PLEKHA7: variants seen among roughly 807,000 people sequenced by gnomAD.
PLEKHA7 encodes the protein pleckstrin homology domain containing A7, also known as pleckstrin homology domain-containing family A member 7.
PLEKHA7 carries 104 observed loss-of-function variants against 170.0 expected under a neutral mutation model. The ratio of observed to expected loss-of-function variants is 0.61; its 90% CI spans 0.52 to 0.72. The LOEUF (loss-of-function observed/expected upper bound fraction) is 0.72, where lower values mean the gene tolerates loss of function less well. Among genes scored for constraint, PLEKHA7 ranks in the 30% least tolerant of loss-of-function variants. The pLI, the probability that PLEKHA7 is intolerant of heterozygous loss-of-function variation, is 0.00. For synonymous variants in PLEKHA7, 648 were observed against 660.8 expected (o/e 0.98, Z 0.30); for missense variants, 1,615 against 1,671.7 (o/e 0.97, Z 0.59).
chr11:17,011,927 G>A (rs1865343382), intron 3 of PLEKHA7, among the ~76,000 whole-genome samples: 1 of 148,952 alleles, frequency 6.7e-6, no homozygotes, highest in South Asian at 2.2e-4. Flanking sequence ...CCCAAGCCCT[G>A]AGGAGTCATC....
intron 12 of PLEKHA7, 38 bp from the exon 13 acceptor site, chr11:16,813,204 A>G (rs748116702): frequency 5.7e-6 from 9 of 1,568,354 alleles, no homozygotes; most frequent in Non-Finnish European, 7.9e-6. Context: ...ACAGTTATGA[A>G]CACCAAGAGT....
At chr11:16,994,766 G>C (rs1325352423) in intron 3 of PLEKHA7, among the ~76,000 whole-genome samples, 1 of 152,066 alleles carries the variant, frequency 6.6e-6, no homozygotes, top group Non-Finnish European at 1.5e-5. Flanking sequence ...TCAAGATCCA[G>C]CTCGGGCTCT....
At chr11:16,815,983 G>A (rs1005448102) in intron 12 of PLEKHA7, among the ~76,000 whole-genome samples, 195 bp downstream of exon 12, 8 of 152,062 alleles carry the variant, frequency 5.3e-5, no homozygotes, top group African/African-American at 1.4e-4. Context: ...TCCCTGATAC[G>A]CTCTTCCCCT....
chr11:16,982,897 TC>T (rs1349330115), intron 3 of PLEKHA7, among the ~76,000 whole-genome samples: 1 of 151,844 alleles, frequency 6.6e-6, no homozygotes, highest in Non-Finnish European at 1.5e-5. Context: ...ATTCCTGGAC[TC>T]CACACACTAT....
At chr11:16,922,004 G>T (rs1259741115) in intron 3 of PLEKHA7, among the ~76,000 whole-genome samples, 1 of 152,210 alleles carries the variant, frequency 6.6e-6, no homozygotes. Context: ...GACCTTTCCA[G>T]TTCAGCTATG....
At chr11:16,840,990 C>T (rs1315917007) in intron 9 of PLEKHA7, among the ~76,000 whole-genome samples, 1 of 152,066 alleles carries the variant, frequency 6.6e-6, no homozygotes, top group Non-Finnish European at 1.5e-5. Flanking sequence ...AAAGAATGGG[C>T]CCAATGTGAG....
At chr11:16,911,989 A>G (rs1858281580) in intron 3 of PLEKHA7, among the ~76,000 whole-genome samples, 3 of 152,170 alleles carry the variant, frequency 2.0e-5, no homozygotes, top group African/African-American at 7.2e-5. Context: ...GAGGCTTCCC[A>G]TCAAGCCAAT....
At chr11:16,787,533 C>G (rs1347189626) in intron 23 of PLEKHA7, 1 of 152,080 alleles carries the variant, frequency 6.6e-6, no homozygotes, top group African/African-American at 2.4e-5. Context: ...ACACTCATTT[C>G]CTTACACGCT....
At chr11:16,950,935 G>A (rs1347471889) in intron 3 of PLEKHA7, among the ~76,000 whole-genome samples, 1 of 152,010 alleles carries the variant, frequency 6.6e-6, no homozygotes, top group African/African-American at 2.4e-5. Flanking sequence ...TTCTACCTTG[G>A]CATTCATTGC....
intron 3 of PLEKHA7, among the ~76,000 whole-genome samples, chr11:16,973,647 C>T (rs985542912): frequency 2.0e-5 from 3 of 152,116 alleles, no homozygotes; most frequent in Non-Finnish European, 4.4e-5. Context: ...GCAGGTGAGG[C>T]CTGGGGATCA....
intron 3 of PLEKHA7, among the ~76,000 whole-genome samples, chr11:16,926,486 C>G (rs1369121081): frequency 6.6e-6 from 1 of 152,250 alleles, no homozygotes; most frequent in Non-Finnish European, 1.5e-5. Context: ...TTCCTACACT[C>G]ACAGTGCTTC....
At chr11:16,930,262 C>T (rs1479310520) in intron 3 of PLEKHA7, among the ~76,000 whole-genome samples, 1 of 151,862 alleles carries the variant, frequency 6.6e-6, no homozygotes, top group Non-Finnish European at 1.5e-5. Context: ...ATTAAAACTC[C>T]AAGCTGAGGG....
In PLEKHA7 at chr11:16,892,424, G is replaced by GTTT. The variant is rs773430503; in HGVS notation, c.222-21243_222-21242insAAA. ...TTTTATTTTGTGTGTGTGTGTGTGT[G>GTTT]TGTGTGTGTGTTTTGTTTTGTTTTG... On this transcript the variant is annotated intron_variant, in intron 3 of 26. Coordinates refer to ENST00000531066, the MANE Select transcript of PLEKHA7 (RefSeq NM_001329630.2). Among the ~76,000 whole-genome samples the GTTT allele has an allele frequency of 9.9e-3, 1,088 of 109,992 alleles. 10 individuals are homozygous for GTTT. Among genetic ancestry groups the GTTT allele is most frequent in the Non-Finnish European group, 0.018 (847 of 47,200 alleles). The allele number at this position is 109,992 out of a possible 152,430, so 72.2% of individuals were successfully genotyped here.
Position 16,816,046 on chromosome 11 carries a change from T to C in PLEKHA7, c.1953+132A>G, listed in dbSNP as rs1849727387. 1.2e-5 allele frequency: 9 copies of C among 749,292 alleles called. No homozygotes were observed. In the South Asian group the frequency reaches 1.5e-4, roughly 13 times the overall value. The allele number at this position is 749,292 out of a possible 1,614,324, so 46.4% of individuals were successfully genotyped here. On this transcript the variant is annotated intron_variant, in intron 12 of 26. Coordinates refer to ENST00000531066, the MANE Select transcript of PLEKHA7 (RefSeq NM_001329630.2). The stretch of plus-strand genomic sequence containing the variant: ...GACCCTAAGCAAGTCATTCAACTTC[T>C]CTGAGCCTCAGTTTCCTCATCTCTA...
intron 15 of PLEKHA7, 91 bp downstream of exon 15, chr11:16,802,881 A>G: frequency 1.8e-6 from 2 of 1,111,604 alleles, no homozygotes; most frequent in African/African-American, 1.5e-5. Flanking sequence ...CTGCTCTTCA[A>G]TACTAACATG....
In PLEKHA7 at chr11:16,878,609, T is replaced by G. The variant is rs1855484043; in HGVS notation, c.222-7427A>C. Among the ~76,000 whole-genome samples, 2 of 152,154 alleles carry G rather than the reference T, an allele frequency of 1.3e-5. 1 individual carries two copies. The highest frequency in any genetic ancestry group is 4.1e-4 in the South Asian group (2 of 4,826). On this transcript the variant is annotated intron_variant, in intron 3 of 26. Transcript: ENST00000531066. ...CAGCCTGGATGCTCTTTCCTCCGGA[T>G]ATTTGAGATGGAGTCTCACTCTTTC... is the stretch of plus-strand genomic sequence containing the variant.
chr11:16,795,234 T>G, intron 17 of PLEKHA7: 1 of 544,802 alleles, frequency 1.8e-6, no homozygotes, highest in Non-Finnish European at 3.3e-6. Context: ...AGAGTAGCTT[T>G]CAGCAGTCCA....
intron 3 of PLEKHA7, among the ~76,000 whole-genome samples, chr11:16,920,715 A>G (rs1275875157): frequency 6.6e-6 from 1 of 152,232 alleles, no homozygotes; most frequent in African/African-American, 2.4e-5. Context: ...AAGTTCCAGT[A>G]AAGTGACAGG....
chr11:16,901,699 T>C (rs899317396), intron 3 of PLEKHA7, among the ~76,000 whole-genome samples: 8 of 152,006 alleles, frequency 5.3e-5, no homozygotes, highest in Non-Finnish European at 8.8e-5. Context: ...CAAAACCCCA[T>C]CTCTACAAAA....
Sources: gnomAD v4.1 joint callset for allele counts (sites outside exome capture counted in the v4.1 genomes callset) on GRCh38, gnomAD v4.1.1 for gene constraint, MANE v1.5 for transcripts, NCBI Gene and HGNC (gene_info 2026-07-23, HGNC 2026-07-21) for gene names.